Variants in ATAD2B observed in about 807,000 individuals in gnomAD.
ATAD2B encodes ATPase family AAA domain-containing protein 2B.
Under a neutral mutation model 167.6 loss-of-function variants are expected in ATAD2B, and 40 were observed. The ratio of observed to expected loss-of-function variants is 0.24; its 90% CI spans 0.19 to 0.31. ATAD2B has a LOEUF of 0.31. Ranked by LOEUF, ATAD2B falls within the 10% of genes least tolerant of loss-of-function variation. ATAD2B has a pLI of 1.00. For synonymous variants in ATAD2B, 579 were observed against 596.5 expected (o/e 0.97, Z 0.43); for missense variants, 1,242 against 1,757.2 (o/e 0.71, Z 5.24).
At chr2:23,818,143 G>C (rs62125870) in intron 17 of ATAD2B, among the ~76,000 whole-genome samples, 102,732 of 131,550 alleles carry the variant, frequency 0.78, 39,925 homozygotes, top group East Asian at 0.91. Context: ...CACACACACA[G>C]AGAGAGAGAA....
chr2:23,825,617 T>C (rs1320686515), intron 15 of ATAD2B, among the ~76,000 whole-genome samples: 1 of 152,234 alleles, frequency 6.6e-6, no homozygotes, highest in Non-Finnish European at 1.5e-5. Context: ...GATTATAGAA[T>C]GTGAATTATG....
intron 1 of ATAD2B, among the ~76,000 whole-genome samples, chr2:23,905,704 A>G (rs1009695051): frequency 2.6e-5 from 4 of 152,230 alleles, no homozygotes; most frequent in Non-Finnish European, 5.9e-5. Flanking sequence ...AGTAGATACA[A>G]TCTCAAGTAA....
At chr2:23,705,947 C>A in the ATAD2B span, among the ~76,000 whole-genome samples, 2 of 152,188 alleles carry the variant, frequency 1.3e-5, no homozygotes, top group African/African-American at 4.8e-5. Flanking sequence ...GCACAGCCAT[C>A]GGTCACCCTG....
chr2:23,777,935 T>C (rs1379233490), intron 22 of ATAD2B, among the ~76,000 whole-genome samples: 2 of 152,224 alleles, frequency 1.3e-5, no homozygotes, highest in Admixed American at 6.5e-5. Flanking sequence ...TTTCAAAATG[T>C]TGGCTTTTGT....
intron 19 of ATAD2B, 76 bp from the exon 20 acceptor site, chr2:23,788,723 GTCTTCA>G: frequency 8.6e-7 from 1 of 1,161,310 alleles, no homozygotes; most frequent in Non-Finnish European, 1.2e-6. Flanking sequence ...AAATTGCAAT[GTCTTCA>G]TCTTCCAGTA....
At chr2:23,797,533 T>C (rs1287323247) in intron 19 of ATAD2B, among the ~76,000 whole-genome samples, 1 of 152,140 alleles carries the variant, frequency 6.6e-6, no homozygotes, top group Admixed American at 6.5e-5. Context: ...CTGATAGTGA[T>C]ATAGCCACAA....
chr2:23,859,814 G>C (rs980347306), intron 12 of ATAD2B, among the ~76,000 whole-genome samples: 5 of 134,428 alleles, frequency 3.7e-5, no homozygotes, highest in African/African-American at 1.1e-4. Flanking sequence ...CACGCGTGGC[G>C]GGGGGGGCAC....
intron 18 of ATAD2B, among the ~76,000 whole-genome samples, chr2:23,803,733 G>A (rs923520901): frequency 2.0e-5 from 3 of 152,134 alleles, no homozygotes; most frequent in African/African-American, 7.2e-5. Flanking sequence ...TGTTTTAAAG[G>A]ATAGACATAA....
chr2:23,909,439 C>CATACAT (rs1553456302), intron 1 of ATAD2B, among the ~76,000 whole-genome samples: 4 of 149,618 alleles, frequency 2.7e-5, no homozygotes, highest in Non-Finnish European at 4.4e-5. Context: ...TACATACATA[C>CATACAT]ATATATATAT....
At chr2:23,687,034 A>G in the ATAD2B span, among the ~76,000 whole-genome samples, 1 of 151,922 alleles carries the variant, frequency 6.6e-6, no homozygotes, top group East Asian at 1.9e-4. Flanking sequence ...AGCTGATGTA[A>G]CCATGTCTTT....
intron 17 of ATAD2B, among the ~76,000 whole-genome samples, chr2:23,810,883 C>T (rs1461210539): frequency 3.9e-5 from 6 of 151,902 alleles, no homozygotes; most frequent in African/African-American, 9.7e-5. Context: ...TGGTGGCGGG[C>T]ATCTGTAATC....
At chr2:23,698,754 G>C in the ATAD2B span, among the ~76,000 whole-genome samples, 5 of 152,166 alleles carry the variant, frequency 3.3e-5, no homozygotes, top group Admixed American at 6.5e-5. Flanking sequence ...ACTCGGCAGG[G>C]TCATTTGCAT....
At chr2:23,814,630 T>C (rs779221056) in intron 17 of ATAD2B, among the ~76,000 whole-genome samples, 7 of 151,896 alleles carry the variant, frequency 4.6e-5, no homozygotes, top group Non-Finnish European at 7.4e-5. Flanking sequence ...CCAGTTTTGG[T>C]TTTGTTTGTT....
At chr2:23,762,087 C>G (rs1676815929) in intron 24 of ATAD2B, 122 bp downstream of exon 24, 1 of 1,004,748 alleles carries the variant, frequency 1.0e-6, no homozygotes, top group African/African-American at 1.7e-5. Flanking sequence ...TTCTTCACCT[C>G]TGAAAAGAGA....
the ATAD2B span, among the ~76,000 whole-genome samples, chr2:23,723,347 G>A: frequency 2.0e-5 from 3 of 148,376 alleles, no homozygotes; most frequent in Admixed American, 1.4e-4. Flanking sequence ...AGGAAAGGAA[G>A]GGGAGGGGAT....
At position 23,823,586 on chromosome 2, in the gene ATAD2B, G is replaced by A. The variant is rs200106000; in HGVS notation, c.1820-17C>T. The A allele has an allele frequency of 1.1e-5, 18 of 1,602,612 alleles. No homozygotes were observed. The highest frequency in any genetic ancestry group is 2.7e-5 in the African/African-American group (2 of 74,680). ...CACAGTAGCCTAATACACAAAAGGA[G>A]AAGGATAGCAAAGGTACATTCATTA... On this transcript the variant is annotated splice_polypyrimidine_tract_variant and intron_variant, in intron 15 of 27. Coordinates refer to ENST00000238789, the MANE Select transcript of ATAD2B (RefSeq NM_017552.4).
intron 15 of ATAD2B, 53 bp from the exon 16 acceptor site, chr2:23,823,622 C>A (rs1687802437): frequency 5.4e-6 from 8 of 1,483,554 alleles, no homozygotes; most frequent in Non-Finnish European, 5.5e-6. Context: ...TTCCATGCAC[C>A]AACTATGTTT....
downstream of ATAD2B, among the ~76,000 whole-genome samples, chr2:23,746,294 G>T (rs530854728): frequency 6.6e-6 from 1 of 152,286 alleles, no homozygotes; most frequent in Admixed American, 6.5e-5. Flanking sequence ...GTGTGACCTT[G>T]AGCAAATTAA....
In ATAD2B at chr2:23,884,817, A is replaced by G. The variant is rs1270390939; in HGVS notation, c.732T>C (p.Asn244=). ...VKRRRKSLRR[N]SYGIQNHHEV... ...CATGATGATTTTGTATCCCATAACT[A>G]TTTCTTCTTAGTGACTTTCTTCGCC... The change falls in exon 6 of 28, where the codon AAT becomes AAC. Residue 244 remains asparagine (N), a synonymous_variant. Coordinates refer to ENST00000238789, the MANE Select transcript of ATAD2B (RefSeq NM_017552.4). 2 of 1,601,326 alleles carry G rather than the reference A, an allele frequency of 1.2e-6. No individual in the cohort carries two copies. Among genetic ancestry groups the G allele is most frequent in the African/African-American group, 1.3e-5 (1 of 74,690 alleles).
Sources: allele counts gnomAD v4.1 joint callset (sites outside exome capture counted in the v4.1 genomes callset), GRCh38; gene constraint gnomAD v4.1.1; transcripts MANE v1.5; gene names NCBI Gene and HGNC (gene_info 2026-07-23, HGNC 2026-07-21).